PRKCE: variants seen among roughly 807,000 people sequenced by gnomAD.
The protein encoded by PRKCE is protein kinase C epsilon type.
Under a neutral mutation model 85.4 loss-of-function variants are expected in PRKCE, and 16 were observed. The ratio of observed to expected loss-of-function variants is 0.19; its 90% CI spans 0.13 to 0.28. The LOEUF is 0.28. Ranked by LOEUF, PRKCE falls within the 10% of genes least tolerant of loss-of-function variation. The pLI, the probability that PRKCE is intolerant of heterozygous loss-of-function variation, is 1.00. For missense variants in PRKCE, 573 were observed against 975.2 expected (o/e 0.59, Z 5.49); for synonymous variants, 388 against 371.5 (o/e 1.04, Z -0.51).
At chr2:46,045,831 G>A (rs188384350) in intron 10 of PRKCE, among the ~76,000 whole-genome samples, 31 of 152,018 alleles carry the variant, frequency 2.0e-4, no homozygotes, top group South Asian at 6.2e-4. Context: ...GCAGTGAGCC[G>A]AGATCATACC....
intron 10 of PRKCE, among the ~76,000 whole-genome samples, chr2:46,044,621 A>G (rs1035433531): frequency 6.6e-6 from 1 of 152,228 alleles, no homozygotes; most frequent in Non-Finnish European, 1.5e-5. Flanking sequence ...GTCTTTTAGC[A>G]TTTTAAATGC....
At chr2:45,731,354 C>A (rs1306738902) in intron 1 of PRKCE, among the ~76,000 whole-genome samples, 3 of 152,096 alleles carry the variant, frequency 2.0e-5, no homozygotes, top group Non-Finnish European at 4.4e-5. Context: ...TTCTGTGGCT[C>A]ATGCAGGTGT....
At chr2:45,821,763 G>A (rs1689550546) in intron 1 of PRKCE, among the ~76,000 whole-genome samples, 1 of 152,164 alleles carries the variant, frequency 6.6e-6, no homozygotes, top group Admixed American at 6.5e-5. Context: ...GGAAATGAAT[G>A]TCACCCTGGG....
chr2:45,933,838 C>G (rs766736730), intron 2 of PRKCE, among the ~76,000 whole-genome samples: 4 of 152,102 alleles, frequency 2.6e-5, no homozygotes, highest in Non-Finnish European at 5.9e-5. Context: ...GCTTATAGCA[C>G]AATCATAAGA....
chr2:46,165,101 A>C (rs1678205155), intron 14 of PRKCE, among the ~76,000 whole-genome samples: 1 of 152,014 alleles, frequency 6.6e-6, no homozygotes, highest in Admixed American at 6.5e-5. Flanking sequence ...GCCCTGACTC[A>C]CCAGCTGTCA....
chr2:46,160,084 T>A (rs1359718720), intron 14 of PRKCE: 4 of 261,574 alleles, frequency 1.5e-5, no homozygotes, highest in African/African-American at 9.3e-5. Context: ...ATAAGGTTTC[T>A]TTATGAAGAA....
intron 2 of PRKCE, among the ~76,000 whole-genome samples, chr2:45,957,279 A>G (rs1325598392): frequency 6.6e-6 from 1 of 152,188 alleles, no homozygotes; most frequent in Non-Finnish European, 1.5e-5. Context: ...TCCATGATCT[A>G]TGTTGAGTTC....
Position 46,157,002 on chromosome 2 carries a change from G to A in PRKCE, c.1921-2604G>A, listed in dbSNP as rs142108409. On this transcript the variant is annotated intron_variant, in intron 13 of 14. Transcript: ENST00000306156. ...ATACAATGGTAGGAATGCTGTACAC[G>A]TATCTCATTTTCCTGTCGATGGTGT... 2.2e-3 allele frequency among the ~76,000 whole-genome samples: 331 copies of A among 152,262 alleles called. 3 individuals are homozygous for A. The Middle Eastern group carries it at 0.024, about 11-fold the overall frequency.
At chr2:46,146,793 A>G (rs1053116866) in intron 12 of PRKCE, among the ~76,000 whole-genome samples, 2 of 152,198 alleles carry the variant, frequency 1.3e-5, no homozygotes, top group African/African-American at 4.8e-5. Flanking sequence ...GCAAAGGCCA[A>G]GGGACAAAAA....
chr2:45,917,975 GC>G (rs371920446), intron 2 of PRKCE, among the ~76,000 whole-genome samples: 1,610 of 152,292 alleles, frequency 0.011, 17 homozygotes, highest in African/African-American at 0.037. Context: ...CGAGTGCGGG[GC>G]CCGCCAAGCC....
intron 6 of PRKCE, among the ~76,000 whole-genome samples, chr2:45,985,071 A>G (rs1203254645): frequency 6.6e-6 from 1 of 152,194 alleles, no homozygotes; most frequent in Non-Finnish European, 1.5e-5. Context: ...TGCATGGTCC[A>G]TGGCTCAGTG....
chr2:46,021,905 A>G (rs1706700563), intron 10 of PRKCE, among the ~76,000 whole-genome samples: 1 of 152,174 alleles, frequency 6.6e-6, no homozygotes, highest in Non-Finnish European at 1.5e-5. Context: ...CTACAGGGAA[A>G]GTCATCTGGG....
intron 2 of PRKCE, among the ~76,000 whole-genome samples, chr2:45,959,348 T>C (rs985699782): frequency 6.6e-6 from 1 of 152,192 alleles, no homozygotes; most frequent in Non-Finnish European, 1.5e-5. Flanking sequence ...AAATATATAA[T>C]GTCATGTCTT....
chr2:45,696,982 T>A (rs1019137723), intron 1 of PRKCE, among the ~76,000 whole-genome samples: 2 of 152,196 alleles, frequency 1.3e-5, no homozygotes, highest in Admixed American at 6.5e-5. Context: ...TTATTCCAGG[T>A]CTTCTTTCCC....
chr2:45,883,342 C>T (rs1405500181), intron 2 of PRKCE, among the ~76,000 whole-genome samples: 1 of 152,224 alleles, frequency 6.6e-6, no homozygotes, highest in Non-Finnish European at 1.5e-5. Context: ...CAGGGATGAC[C>T]CTTGGCTGGC....
chr2:45,821,239 A>G (rs1487296221), intron 1 of PRKCE, among the ~76,000 whole-genome samples: 3 of 152,220 alleles, frequency 2.0e-5, no homozygotes, highest in African/African-American at 7.2e-5. Flanking sequence ...GTCTAGAGTT[A>G]CTTTACTCAA....
intron 1 of PRKCE, among the ~76,000 whole-genome samples, chr2:45,716,657 AAGG>A (rs1680127793): frequency 7.1e-6 from 1 of 141,044 alleles, no homozygotes; most frequent in Non-Finnish European, 1.5e-5. Context: ...GAAGAAGGAG[AAGG>A]AGAAGAAAAA....
rs397781944 is a variant in PRKCE, at chr2:45,941,065, T to TAAAAAAA, written c.413-35348_413-35342dup. 3.2e-3 allele frequency among the ~76,000 whole-genome samples: 212 copies of TAAAAAAA among 67,156 alleles called. 7 individuals are homozygous for TAAAAAAA. Among genetic ancestry groups the TAAAAAAA allele is most frequent in the Non-Finnish European group, 4.2e-3 (163 of 39,132 alleles). 44.1% of individuals were successfully genotyped at this position (67,156 alleles called of 152,430 possible). ...TGGGTGACAGAGTGAGACTTCATCC[T>TAAAAAAA]AAAAAAAAAAAAAAAAAAAAAAGAT... On this transcript the variant is annotated intron_variant, in intron 2 of 14. Transcript: ENST00000306156.
chr2:46,008,815 G>C (rs529656729), intron 9 of PRKCE, among the ~76,000 whole-genome samples: 2 of 152,204 alleles, frequency 1.3e-5, no homozygotes, highest in African/African-American at 2.4e-5. Flanking sequence ...GCAAGACTCC[G>C]AGATTCTAGG....
Sources: allele counts gnomAD v4.1 joint callset (sites outside exome capture counted in the v4.1 genomes callset), GRCh38; gene constraint gnomAD v4.1.1; transcripts MANE v1.5; gene names NCBI Gene and HGNC (gene_info 2026-07-23, HGNC 2026-07-21).